The following RPL31 variants were observed in gnomAD, a reference collection of about 807,000 sequenced individuals.
RPL31 encodes the protein large ribosomal subunit protein eL31.
For missense variants in RPL31, 95 were observed against 164.0 expected, an observed-to-expected ratio of 0.58 and a Z score of 2.30; for synonymous variants, 51 against 55.0, an observed-to-expected ratio of 0.93 and a Z score of 0.32.
chr2:101,006,313 A>C (rs1346189487), intron 4 of RPL31, 37 bp from the exon 5 acceptor site: 1 of 1,599,344 alleles, frequency 6.3e-7, no homozygotes, highest in Non-Finnish European at 8.5e-7. Context: ...ATGAAATGTG[A>C]TGTGGGTATG....
chr2:101,016,625 G>A (rs897175033), intron 4 of RPL31, among the ~76,000 whole-genome samples: 39 of 152,158 alleles, frequency 2.6e-4, no homozygotes, highest in Admixed American at 7.9e-4. Context: ...ACATGCACAC[G>A]TATGTTTATT....
chr2:101,017,813 CATACTA>C (rs780488230), intron 4 of RPL31: 23 of 1,541,288 alleles, frequency 1.5e-5, no homozygotes, highest in African/African-American at 2.7e-5. Flanking sequence ...TATTAGTTTT[CATACTA>C]ATACTAACAG....
In RPL31 at chr2:101,006,646, A is replaced by G. The variant is rs1490410454; in HGVS notation, c.*265A>G. On this transcript the variant is annotated 3_prime_UTR_variant, in exon 5 of 5. Transcript: ENST00000264258. Reference sequence around the variant, plus strand: ...AATTATTCTACTTGTATGTTTTGCTAATTCTAAGATAAGCATTTTTCCAGA... The same window carrying G: ...AATTATTCTACTTGTATGTTTTGCTGATTCTAAGATAAGCATTTTTCCAGA... 7.9e-6 allele frequency: 3 copies of G among 378,812 alleles called. No individual in the cohort carries two copies. Among genetic ancestry groups the G allele is most frequent in the African/African-American group, 4.2e-5 (2 of 47,860 alleles). 23.5% of individuals were successfully genotyped at this position (378,812 alleles called of 1,614,324 possible).
downstream of RPL31, chr2:101,008,205 C>T (rs1678888057): frequency 1.2e-5 from 19 of 1,608,172 alleles, no homozygotes; most frequent in African/African-American, 5.4e-5. Context: ...TGGCTTGATA[C>T]AAATCATTTT....
rs115613909 is a variant in RPL31, at chr2:101,017,574, A to T, written c.347-1424A>T. Among the ~76,000 whole-genome samples, 489 of 152,340 alleles carry T rather than the reference A, an allele frequency of 3.2e-3. 3 individuals are homozygous for T. The highest frequency in any genetic ancestry group is 0.011 in the African/African-American group (474 of 41,580). On this transcript the variant is annotated intron_variant, in intron 4 of 4. Coordinates refer to the RPL31 transcript ENST00000409028. ...TGCCCAGAACGTCCCTATGTGGCAC[A>T]CAACAGTATATATTTATCAGTACCT...
downstream of RPL31, chr2:101,007,847 A>C (rs767592224): frequency 1.9e-6 from 3 of 1,613,348 alleles, no homozygotes; most frequent in Non-Finnish European, 2.5e-6. Flanking sequence ...TTAAGTTCAG[A>C]TTGTGATTGG....
At chr2:101,010,987 A>G, downstream of RPL31, 2 of 1,613,138 alleles carry the variant, frequency 1.2e-6, no homozygotes, top group Non-Finnish European at 1.7e-6. Context: ...TAAATCCTTA[A>G]TCATCTGCTT....
chr2:101,004,073 C>G (rs1277001003), intron 2 of RPL31, 85 bp from the exon 3 acceptor site: 2 of 1,456,778 alleles, frequency 1.4e-6, no homozygotes, highest in Non-Finnish European at 1.9e-6. Flanking sequence ...TTTCCAGGAG[C>G]CTATCATCGA....
chr2:101,018,786 AGTTT>A (rs1679841023), intron 4 of RPL31, among the ~76,000 whole-genome samples: 1 of 152,162 alleles, frequency 6.6e-6, no homozygotes, highest in Admixed American at 6.5e-5. Flanking sequence ...CTTTCTCAGC[AGTTT>A]GTTATGTTTC....
At chr2:101,011,267 C>T, downstream of RPL31, 2 of 710,118 alleles carry the variant, frequency 2.8e-6, no homozygotes, top group Non-Finnish European at 4.6e-6. Context: ...GGGCAAGGGG[C>T]AGCCACCCAG....
chr2:101,010,183 AAACCATATGG>A (rs1343824298), downstream of RPL31, among the ~76,000 whole-genome samples: 1 of 152,188 alleles, frequency 6.6e-6, no homozygotes, highest in Non-Finnish European at 1.5e-5. Flanking sequence ...AAAATGAAAC[AAACCATATGG>A]AACCTGAATA....
chr2:101,015,411 A>T (rs1440178591), intron 4 of RPL31, among the ~76,000 whole-genome samples: 1 of 152,176 alleles, frequency 6.6e-6, no homozygotes, highest in Non-Finnish European at 1.5e-5. Context: ...AGTTCATTTT[A>T]AAAATATTCT....
intron 3 of RPL31, 30 bp downstream of exon 3, chr2:101,004,313 AC>A (rs1450244639): frequency 6.2e-7 from 1 of 1,612,064 alleles, no homozygotes; most frequent in Middle Eastern, 1.7e-4. Context: ...TCGAAGGTGA[AC>A]TTTTGCAATG....
At chr2:101,013,691 G>T (rs1679404579) in intron 4 of RPL31, among the ~76,000 whole-genome samples, 1 of 152,158 alleles carries the variant, frequency 6.6e-6, no homozygotes, top group South Asian at 2.1e-4. Context: ...CATTGTCATT[G>T]CCACTGCCAT....
chr2:101,008,248 G>C (rs1397680321), downstream of RPL31: 2 of 1,559,694 alleles, frequency 1.3e-6, no homozygotes, highest in South Asian at 2.4e-5. Context: ...ACTGTACAGA[G>C]TTTTACAGAA....
chr2:101,005,844 A>G (rs1048803874), intron 3 of RPL31, 115 bp from the exon 4 acceptor site: 2 of 855,500 alleles, frequency 2.3e-6, no homozygotes, highest in East Asian at 2.6e-5. Flanking sequence ...TAGGTTGGTC[A>G]GAGTAGAGCA....
In RPL31 at chr2:101,002,292, C is replaced by G. The variant is rs1032610075; in HGVS notation, c.-24C>G. On this transcript the variant is annotated 5_prime_UTR_variant, in exon 1 of 5. Transcript: ENST00000264258. ...TTCTCCCACAATCCTTCGCGCTCTT[C>G]CTTTCCAACTTGGACGCTGCAGAGT... The G allele has an allele frequency of 6.0e-6, 1 of 166,362 alleles. No individual in the cohort carries two copies. Among genetic ancestry groups the G allele is most frequent in the Non-Finnish European group, 1.3e-5 (1 of 76,848 alleles). 10.3% of individuals were successfully genotyped at this position (166,362 alleles called of 1,614,324 possible).
At chr2:101,018,886 G>T in intron 4 of RPL31, 1 of 1,398,808 alleles carries the variant, frequency 7.1e-7, no homozygotes, top group Non-Finnish European at 9.8e-7. Flanking sequence ...GCCAATATCC[G>T]TAGGTTTATC....
At chr2:101,009,998 T>C (rs567463216), downstream of RPL31, among the ~76,000 whole-genome samples, 239 of 152,046 alleles carry the variant, frequency 1.6e-3, no homozygotes, top group African/African-American at 5.5e-3. Flanking sequence ...ATTTTTTTTT[T>C]TGTATTTTTA....
Sources: gnomAD v4.1 joint callset for allele counts (sites outside exome capture counted in the v4.1 genomes callset) on GRCh38, gnomAD v4.1.1 for gene constraint, MANE v1.5 for transcripts, NCBI Gene and HGNC (gene_info 2026-07-23, HGNC 2026-07-21) for gene names.